The following UNC5D variants were observed in gnomAD, a reference collection of about 807,000 sequenced individuals.
UNC5D encodes the protein netrin receptor UNC5D.
A neutral mutation model predicts 105.4 loss-of-function variants in UNC5D; 39 were observed. That is an observed-to-expected ratio of 0.37 (90% CI 0.29 to 0.48). The LOEUF is 0.48. Among genes scored for constraint, UNC5D ranks in the 20% least tolerant of loss-of-function variants. UNC5D has a pLI of 0.98. For missense variants in UNC5D, 991 were observed against 1,202.4 expected (o/e 0.82, Z 2.60); for synonymous variants, 452 against 450.4 (o/e 1.00, Z -0.04).
intron 4 of UNC5D, among the ~76,000 whole-genome samples, chr8:35,630,953 A>ATT (rs1822002291): frequency 6.6e-6 from 1 of 152,216 alleles, no homozygotes; most frequent in Non-Finnish European, 1.5e-5. Context: ...GTTTCTCTAG[A>ATT]CATTAAGACT....
At chr8:35,616,331 G>C (rs894324421) in intron 4 of UNC5D, among the ~76,000 whole-genome samples, 2 of 152,222 alleles carry the variant, frequency 1.3e-5, no homozygotes, top group African/African-American at 2.4e-5. Context: ...TAGCATGCCT[G>C]TCTTTAGTTC....
intron 1 of UNC5D, among the ~76,000 whole-genome samples, chr8:35,512,565 A>ATCTCTC (rs1463917329): frequency 2.1e-5 from 2 of 95,402 alleles, no homozygotes; most frequent in African/African-American, 4.9e-5. Flanking sequence ...ATATATATAT[A>ATCTCTC]TATATCTGAA....
chr8:35,757,930 A>G (rs1174861259), intron 13 of UNC5D, among the ~76,000 whole-genome samples: 7 of 152,322 alleles, frequency 4.6e-5, no homozygotes, highest in Admixed American at 2.0e-4. Context: ...TCACATGTGG[A>G]TATTTAACTT....
At chr8:35,253,321 G>C (rs145572224) in intron 1 of UNC5D, among the ~76,000 whole-genome samples, 69 of 151,964 alleles carry the variant, frequency 4.5e-4, no homozygotes, top group Middle Eastern at 3.4e-3. Context: ...TTTGGGTCAT[G>C]CTTAGGAAAT....
chr8:35,485,180 G>A (rs1331237321), intron 1 of UNC5D, among the ~76,000 whole-genome samples: 1 of 152,162 alleles, frequency 6.6e-6, no homozygotes, highest in Non-Finnish European at 1.5e-5. Flanking sequence ...AGGCAAGACA[G>A]TAGTTGGTGG....
intron 4 of UNC5D, among the ~76,000 whole-genome samples, chr8:35,617,583 G>A (rs1322853146): frequency 6.6e-6 from 1 of 152,170 alleles, no homozygotes; most frequent in Non-Finnish European, 1.5e-5. Flanking sequence ...ATTCAGCACA[G>A]TCAGTACATG....
At chr8:35,742,326 C>A (rs1016262116) in intron 11 of UNC5D, among the ~76,000 whole-genome samples, 1 of 151,530 alleles carries the variant, frequency 6.6e-6, no homozygotes, top group East Asian at 1.9e-4. Context: ...AATTTTAGTA[C>A]CCCAGGTCAA....
intron 1 of UNC5D, among the ~76,000 whole-genome samples, chr8:35,305,332 A>G (rs995908150): frequency 2.2e-4 from 33 of 152,112 alleles, no homozygotes; most frequent in Non-Finnish European, 4.6e-4. Context: ...ATGTCCCACC[A>G]GTAGGTCCCT....
intron 4 of UNC5D, among the ~76,000 whole-genome samples, chr8:35,627,200 C>T (rs181729052): frequency 1.8e-4 from 28 of 152,334 alleles, no homozygotes; most frequent in African/African-American, 6.5e-4. Context: ...TTAGCCTCTT[C>T]TTGCCTAATT....
In UNC5D at chr8:35,415,479, G is replaced by A. The variant is rs147717590; in HGVS notation, c.104-133813G>A. Among the ~76,000 whole-genome samples the A allele has an allele frequency of 2.6e-3, 398 of 152,170 alleles. 2 individuals carry two copies. Among genetic ancestry groups the A allele is most frequent in the African/African-American group, 9.0e-3 (372 of 41,544 alleles). On this transcript the variant is annotated intron_variant, in intron 1 of 16. Transcript: ENST00000404895. ...GAAGATAAATTCTCCATCTCACTTT[G>A]TAAACAAATGGCCATTTGGTTTTAC... is the stretch of plus-strand genomic sequence containing the variant.
intron 2 of UNC5D, among the ~76,000 whole-genome samples, chr8:35,550,503 A>G (rs1250126556): frequency 6.6e-6 from 1 of 152,192 alleles, no homozygotes; most frequent in Non-Finnish European, 1.5e-5. Flanking sequence ...AAAAAACATC[A>G]GTATAACTCT....
At chr8:35,534,961 C>T (rs953271973) in intron 1 of UNC5D, among the ~76,000 whole-genome samples, 30 of 152,108 alleles carry the variant, frequency 2.0e-4, no homozygotes, top group Non-Finnish European at 3.8e-4. Flanking sequence ...TAGGGAATGT[C>T]TCATTCCTCT....
intron 1 of UNC5D, among the ~76,000 whole-genome samples, chr8:35,535,506 T>G (rs1814768762): frequency 6.6e-6 from 1 of 151,772 alleles, no homozygotes. Flanking sequence ...CAACAGCAGA[T>G]CTTCCAGTGA....
chr8:35,778,640 C>T (rs184927092), intron 16 of UNC5D, among the ~76,000 whole-genome samples: 22 of 152,302 alleles, frequency 1.4e-4, no homozygotes, highest in Admixed American at 1.4e-3. Context: ...TGTGACTGCA[C>T]TTTCGCCTGA....
intron 3 of UNC5D, among the ~76,000 whole-genome samples, chr8:35,573,139 C>T (rs1193708795): frequency 1.3e-5 from 2 of 152,218 alleles, no homozygotes; most frequent in Non-Finnish European, 2.9e-5. Flanking sequence ...TGGATACCTA[C>T]AGATGCTGCC....
chr8:35,549,952 C>CTTTTTTTT (rs5890821), intron 2 of UNC5D, among the ~76,000 whole-genome samples: 1 of 125,600 alleles, frequency 8.0e-6, no homozygotes, highest in Non-Finnish European at 1.7e-5. Context: ...TTTCTGAGTC[C>CTTTTTTTT]TTTTTTTTTT....
At chr8:35,437,679 G>A (rs971376061) in intron 1 of UNC5D, among the ~76,000 whole-genome samples, 5 of 152,040 alleles carry the variant, frequency 3.3e-5, no homozygotes, top group Non-Finnish European at 7.4e-5. Flanking sequence ...GCTATTAGCC[G>A]ATATCTAAGA....
intron 4 of UNC5D, among the ~76,000 whole-genome samples, chr8:35,643,092 C>T (rs941032892): frequency 2.0e-5 from 3 of 152,126 alleles, no homozygotes; most frequent in Non-Finnish European, 4.4e-5. Context: ...GGCTTCTCAG[C>T]CTCGGCACTG....
At chr8:35,457,299 A>C (rs766875665) in intron 1 of UNC5D, among the ~76,000 whole-genome samples, 1 of 152,194 alleles carries the variant, frequency 6.6e-6, no homozygotes, top group Non-Finnish European at 1.5e-5. Flanking sequence ...GTTGTTTTCA[A>C]GTGTCAGACT....
Sources: gnomAD v4.1 joint callset for allele counts (sites outside exome capture counted in the v4.1 genomes callset) on GRCh38, gnomAD v4.1.1 for gene constraint, MANE v1.5 for transcripts, NCBI Gene and HGNC (gene_info 2026-07-23, HGNC 2026-07-21) for gene names.